CCDC73: variants seen among roughly 807,000 people sequenced by gnomAD.
CCDC73 encodes coiled-coil domain containing 73, also known as coiled-coil domain-containing protein 73.
Under a neutral mutation model 116.5 loss-of-function variants are expected in CCDC73, and 95 were observed. The ratio of observed to expected loss-of-function variants is 0.82; its 90% confidence interval spans 0.69 to 0.97. The LOEUF (loss-of-function observed/expected upper bound fraction) is 0.97. Ranked by LOEUF, CCDC73 falls within the 50% of genes least tolerant of loss-of-function variation. The pLI is 0.00. For synonymous variants in CCDC73, 398 were observed against 401.3 expected (o/e 0.99, Z 0.10); for missense variants, 1,066 against 1,206.8 (o/e 0.88, Z 1.73).
At position 32,711,008 on chromosome 11, in the gene CCDC73, G is replaced by T. The variant is rs116825114; in HGVS notation, c.207+7068C>A. Among the ~76,000 whole-genome samples, 200 of 152,154 alleles carry T rather than the reference G, an allele frequency of 1.3e-3. 2 individuals carry two copies. The highest frequency in any genetic ancestry group is 4.6e-3 in the African/African-American group (193 of 41,524). On this transcript the variant is annotated intron_variant, in intron 3 of 17. Coordinates refer to ENST00000335185, the MANE Select transcript of CCDC73 (RefSeq NM_001008391.4). ...ACAATATCCAGAGTCTTAAAAAAAA[G>T]ATATACAAATGGCCAACAAGCATAT... is the stretch of plus-strand genomic sequence containing the variant.
chr11:32,697,167 C>T (rs1180587003), intron 6 of CCDC73, among the ~76,000 whole-genome samples: 1 of 144,446 alleles, frequency 6.9e-6, no homozygotes, highest in Non-Finnish European at 1.5e-5. Flanking sequence ...CCATACTTTC[C>T]TTTGTGTTTA....
At chr11:32,622,655 T>C (rs2133229319) in intron 14 of CCDC73, among the ~76,000 whole-genome samples, 1 of 116,944 alleles carries the variant, frequency 8.6e-6, no homozygotes, top group East Asian at 2.3e-4. Flanking sequence ...ACATGTATCA[T>C]GGAACTTAAA....
the CCDC73 span, among the ~76,000 whole-genome samples, chr11:32,828,275 G>A: frequency 5.3e-5 from 8 of 152,078 alleles, no homozygotes; most frequent in South Asian, 2.1e-4. Flanking sequence ...TTGGGAGGCC[G>A]AGGTAGGTGG....
chr11:32,687,059 T>A (rs1411055800), intron 6 of CCDC73, among the ~76,000 whole-genome samples: 1 of 152,156 alleles, frequency 6.6e-6, no homozygotes, highest in East Asian at 1.9e-4. Flanking sequence ...GAGAAAAAAA[T>A]CTTATTTTCC....
At chr11:32,680,073 C>T (rs1301906662) in intron 7 of CCDC73, 1 of 152,134 alleles carries the variant, frequency 6.6e-6, no homozygotes, top group Non-Finnish European at 1.5e-5. Context: ...CATATTAGCC[C>T]ATATATGCCT....
chr11:32,655,803 A>G (rs1855866358), intron 9 of CCDC73, among the ~76,000 whole-genome samples: 1 of 152,212 alleles, frequency 6.6e-6, no homozygotes, highest in South Asian at 2.1e-4. Context: ...AGTGTTGTGG[A>G]GGGTGGAACT....
intron 14 of CCDC73, among the ~76,000 whole-genome samples, chr11:32,621,992 A>G (rs1236546683): frequency 6.6e-6 from 1 of 152,242 alleles, no homozygotes; most frequent in Admixed American, 6.5e-5. Flanking sequence ...AATGGTGATT[A>G]TTAAGAAGTC....
At chr11:32,670,190 C>G (rs1031540724) in intron 9 of CCDC73, among the ~76,000 whole-genome samples, 2 of 152,062 alleles carry the variant, frequency 1.3e-5, no homozygotes, top group African/African-American at 4.8e-5. Flanking sequence ...GCAATATACC[C>G]CTGGATGAAA....
intron 2 of CCDC73, among the ~76,000 whole-genome samples, chr11:32,725,276 T>G (rs558831936): frequency 9.9e-5 from 15 of 152,180 alleles, no homozygotes; most frequent in African/African-American, 3.4e-4. Flanking sequence ...ATTTTTATTA[T>G]AGTATATTGC....
At chr11:32,750,417 CCTT>C (rs1404547805) in intron 2 of CCDC73, among the ~76,000 whole-genome samples, 2 of 152,194 alleles carry the variant, frequency 1.3e-5, no homozygotes, top group East Asian at 3.8e-4. Context: ...AGTCTTGTAT[CCTT>C]CTTTTCAGGG....
chr11:32,704,345 A>G, intron 3 of CCDC73, among the ~76,000 whole-genome samples: 1 of 152,166 alleles, frequency 6.6e-6, no homozygotes, highest in East Asian at 1.9e-4. Flanking sequence ...AAAGTTGTGG[A>G]CATGTCCTGA....
the CCDC73 span, among the ~76,000 whole-genome samples, chr11:32,827,131 T>C: frequency 2.6e-5 from 4 of 152,168 alleles, no homozygotes; most frequent in Admixed American, 2.6e-4. Flanking sequence ...CCCAAAGTGC[T>C]GAGGTTACAG....
intron 17 of CCDC73, among the ~76,000 whole-genome samples, chr11:32,607,197 A>G (rs1479662591): frequency 7.8e-6 from 1 of 127,690 alleles, no homozygotes; most frequent in African/African-American, 3.0e-5. Context: ...GGTTCACGCC[A>G]TTCTCCTGCC....
At chr11:32,769,452 G>C (rs1850472987) in intron 1 of CCDC73, among the ~76,000 whole-genome samples, 1 of 152,104 alleles carries the variant, frequency 6.6e-6, no homozygotes, top group Admixed American at 6.6e-5. Context: ...TTATATAGTG[G>C]CTGGACTGGG....
intron 2 of CCDC73, among the ~76,000 whole-genome samples, chr11:32,732,569 C>G (rs1235493569): frequency 6.6e-6 from 1 of 152,190 alleles, no homozygotes; most frequent in Non-Finnish European, 1.5e-5. Context: ...CAGCGGATCT[C>G]TTGGCAAAAA....
At chr11:32,758,898 AAC>A (rs1358320252) in intron 2 of CCDC73, among the ~76,000 whole-genome samples, 44 of 152,278 alleles carry the variant, frequency 2.9e-4, no homozygotes, top group African/African-American at 1.0e-3. Context: ...TTCATCTTAA[AAC>A]AGACTTTTAT....
At chr11:32,824,214 C>G in the CCDC73 span, among the ~76,000 whole-genome samples, 1 of 152,106 alleles carries the variant, frequency 6.6e-6, no homozygotes, top group South Asian at 2.1e-4. Flanking sequence ...GTTTTTGTAT[C>G]TTTTGTCACA....
intron 12 of CCDC73, among the ~76,000 whole-genome samples, chr11:32,646,823 C>A (rs1163841092): frequency 1.3e-5 from 2 of 152,098 alleles, no homozygotes; most frequent in Non-Finnish European, 2.9e-5. Context: ...AACTGACCCC[C>A]CAATTTCCTT....
At chr11:32,648,445 T>A (rs1245076162) in intron 12 of CCDC73, among the ~76,000 whole-genome samples, 1 of 152,258 alleles carries the variant, frequency 6.6e-6, no homozygotes, top group African/African-American at 2.4e-5. Flanking sequence ...TTCATGTTCA[T>A]CTTTCAGTCA....
Sources: gnomAD v4.1 joint callset for allele counts (sites outside exome capture counted in the v4.1 genomes callset) on GRCh38, gnomAD v4.1.1 for gene constraint, MANE v1.5 for transcripts, NCBI Gene and HGNC (gene_info 2026-07-23, HGNC 2026-07-21) for gene names.